CRLF2: variants seen among roughly 807,000 people sequenced by gnomAD.
CRLF2 encodes cytokine receptor like factor 2, also known as cytokine receptor-like factor 2.
In CRLF2, 41 loss-of-function variants were observed where a neutral mutation model predicts 38.7. That is an observed-to-expected ratio of 1.06 (90% confidence interval 0.83 to 1.37). The LOEUF (loss-of-function observed/expected upper bound fraction) is 1.37, where lower values mean the gene tolerates loss of function less well. CRLF2 is among the 40% of genes most tolerant of loss of function. The pLI, the probability that CRLF2 is intolerant of heterozygous loss-of-function variation, is 0.00. For synonymous variants in CRLF2, 140 were observed against 128.8 expected (o/e 1.09, Z -0.59); for missense variants, 377 against 322.2 (o/e 1.17, Z -1.30).
chrX:1,204,391 G>A (rs1273729431), intron 3 of CRLF2, among the ~76,000 whole-genome samples: 1 of 151,750 alleles, frequency 6.6e-6, no homozygotes, highest in African/African-American at 2.4e-5. Context: ...ACCAAGCCCG[G>A]CTAATTATGT....
intron 7 of CRLF2, among the ~76,000 whole-genome samples, chrX:1,192,724 CTTTCTTTCTTT>C (rs2086411580): frequency 1.5e-5 from 1 of 65,660 alleles, no homozygotes; most frequent in Admixed American, 1.5e-4. Context: ...TTCTTTCTTT[CTTTCTTTCTTT>C]CTTTCTTTCT....
At chrX:1,194,578 G>A (rs2086446540) in intron 6 of CRLF2, among the ~76,000 whole-genome samples, 1 of 152,168 alleles carries the variant, frequency 6.6e-6, no homozygotes, top group African/African-American at 2.4e-5. Context: ...AGGATGGGCT[G>A]AAATGGGACC....
chrX:1,208,337 T>A lies in CRLF2; in HGVS notation c.182+469A>T, dbSNP rs2086728482. 2.0e-5 allele frequency among the ~76,000 whole-genome samples: 3 copies of A among 152,214 alleles called. No homozygotes were observed. In the South Asian group the frequency reaches 6.2e-4, roughly 32 times the overall value. On this transcript the variant is annotated intron_variant, in intron 2 of 7. Transcript: ENST00000400841. ...ACTTTGGGAGGCTGAGGCAGGTGGATCACATGAGGTCAGGAGTTTGAAACC... is the reference window on the plus strand; with the variant it reads ...ACTTTGGGAGGCTGAGGCAGGTGGAACACATGAGGTCAGGAGTTTGAAACC...
chrX:1,209,684 G>A (rs1253859258), intron 1 of CRLF2, among the ~76,000 whole-genome samples: 1 of 152,106 alleles, frequency 6.6e-6, no homozygotes, highest in Admixed American at 6.6e-5. Flanking sequence ...GCCATGCACA[G>A]ATGTATCTGT....
At chrX:1,195,939 A>G (rs1369575524) in intron 6 of CRLF2, among the ~76,000 whole-genome samples, 2 of 141,848 alleles carry the variant, frequency 1.4e-5, no homozygotes, top group Non-Finnish European at 3.0e-5. Flanking sequence ...CATTAAATAT[A>G]TTTATATATA....
chrX:1,193,542 C>T (rs2086429493), intron 6 of CRLF2, among the ~76,000 whole-genome samples: 1 of 152,006 alleles, frequency 6.6e-6, no homozygotes, highest in African/African-American at 2.4e-5. Context: ...CTTTGGGAGG[C>T]TGAGGCGGAT....
intron 6 of CRLF2, among the ~76,000 whole-genome samples, chrX:1,193,781 CAAAAAA>C (rs1176813644): frequency 5.1e-5 from 3 of 58,990 alleles, no homozygotes; most frequent in East Asian, 5.6e-4. Flanking sequence ...GACTCCATCT[CAAAAAA>C]AAAAAAAAAA....
Position 1,212,546 on chromosome X carries a change from A to G in CRLF2, c.79+10T>C. The stretch of plus-strand genomic sequence containing the variant: ...AAAATACAACAAGAAGAGGGTGTTT[A>G]AATAATTACCTGCTCCTCCTTGCCC... On this transcript the variant is annotated intron_variant, in intron 1 of 7. Coordinates refer to ENST00000400841, the MANE Select transcript of CRLF2 (RefSeq NM_022148.4). 1.9e-6 allele frequency: 3 copies of G among 1,605,770 alleles called. No individual in the cohort carries two copies. The highest frequency in any genetic ancestry group is 1.7e-6 in the Non-Finnish European group (2 of 1,173,046).
chrX:1,194,907 C>T (rs1473384959), intron 6 of CRLF2, among the ~76,000 whole-genome samples: 3 of 152,040 alleles, frequency 2.0e-5, no homozygotes, highest in Non-Finnish European at 4.4e-5. Context: ...TGGCGCGCAC[C>T]TGTAGTCCCA....
chrX:1,192,148 T>C (rs1187058689), intron 7 of CRLF2, among the ~76,000 whole-genome samples: 1 of 134,198 alleles, frequency 7.5e-6, no homozygotes, highest in Non-Finnish European at 1.5e-5. Context: ...GAGCTTGCAG[T>C]GAGCCGAGAT....
rs1466165429 is a variant in CRLF2, at chrX:1,192,948, G to T, written c.852+270C>A. Among the ~76,000 whole-genome samples, 10 of 151,304 alleles carry T rather than the reference G, an allele frequency of 6.6e-5. No homozygotes were observed. In the East Asian group the frequency reaches 1.8e-3, roughly 27 times the overall value. The stretch of plus-strand genomic sequence containing the variant: ...CCTGCCTCAGCCTCCAGAGTCGCTG[G>T]GATTACAGGAGTGAGCCAGCACGCC... On this transcript the variant is annotated intron_variant, in intron 7 of 7. Transcript: ENST00000400841.
At chrX:1,193,405 G>A (rs2086427386) in intron 6 of CRLF2, 103 bp from the exon 7 acceptor site, 1 of 397,470 alleles carries the variant, frequency 2.5e-6, no homozygotes, top group Non-Finnish European at 4.4e-6. Context: ...GACCAAGAAT[G>A]GCAGAGCGGG....
intron 2 of CRLF2, among the ~76,000 whole-genome samples, chrX:1,208,045 A>T (rs2086723734): frequency 6.6e-6 from 1 of 152,172 alleles, no homozygotes; most frequent in African/African-American, 2.4e-5. Context: ...CCCTTCCTGC[A>T]ATGTTCGTAC....
At chrX:1,202,246 A>G in intron 4 of CRLF2, among the ~76,000 whole-genome samples, 156 bp downstream of exon 4, 1 of 152,230 alleles carries the variant, frequency 6.6e-6, no homozygotes, top group Middle Eastern at 3.4e-3. Context: ...TGAAAAAGCC[A>G]AGCTGGACTA....
chrX:1,212,064 G>T (rs2086812745), intron 1 of CRLF2, among the ~76,000 whole-genome samples: 1 of 151,760 alleles, frequency 6.6e-6, no homozygotes, highest in Non-Finnish European at 1.5e-5. Context: ...GTGGGTTGAT[G>T]GGTGGGTGAA....
chrX:1,200,460 C>A (rs1302053707), intron 4 of CRLF2, among the ~76,000 whole-genome samples: 1 of 148,500 alleles, frequency 6.7e-6, no homozygotes, highest in South Asian at 2.1e-4. Flanking sequence ...TGTGTGTATA[C>A]GTGTGTATAA....
chrX:1,209,610 C>T (rs1215440176), intron 1 of CRLF2, among the ~76,000 whole-genome samples: 2 of 152,000 alleles, frequency 1.3e-5, no homozygotes, highest in African/African-American at 4.8e-5. Context: ...AGATTGCAGG[C>T]GTGAGCCACC....
At chrX:1,193,778 T>C (rs2086434159) in intron 6 of CRLF2, among the ~76,000 whole-genome samples, 1 of 64,440 alleles carries the variant, frequency 1.6e-5, no homozygotes, top group African/African-American at 7.2e-5. Context: ...CGAGACTCCA[T>C]CTCAAAAAAA....
chrX:1,193,781 C>CAAAAAAA (rs1176813644), intron 6 of CRLF2, among the ~76,000 whole-genome samples: 3 of 58,970 alleles, frequency 5.1e-5, no homozygotes, highest in African/African-American at 8.5e-5. Flanking sequence ...GACTCCATCT[C>CAAAAAAA]AAAAAAAAAA....
Sources: gnomAD v4.1 joint callset for allele counts (sites outside exome capture counted in the v4.1 genomes callset) on GRCh38, gnomAD v4.1.1 for gene constraint, MANE v1.5 for transcripts, NCBI Gene and HGNC (gene_info 2026-07-23, HGNC 2026-07-21) for gene names.